PMM2: variants seen among roughly 807,000 people sequenced by gnomAD.
PMM2 encodes the protein phosphomannomutase 2.
In PMM2, 35 loss-of-function variants were observed where a neutral mutation model predicts 33.2. The ratio of observed to expected loss-of-function variants is 1.06; its 90% CI spans 0.81 to 1.40. The LOEUF (loss-of-function observed/expected upper bound fraction) is 1.40, where lower values mean the gene tolerates loss of function less well. Ranked by LOEUF, PMM2 falls within the 40% of genes most tolerant of loss-of-function variation. The pLI is 0.00. For missense variants in PMM2, 386 were observed against 306.0 expected, an observed-to-expected ratio of 1.26 and a Z score of -1.95; for synonymous variants, 153 against 114.7, an observed-to-expected ratio of 1.33 and a Z score of -2.13.
intron 2 of PMM2, chr16:8,802,467 A>G (rs1355368743): frequency 8.6e-6 from 3 of 346,878 alleles, no homozygotes; most frequent in Non-Finnish European, 1.7e-5. Flanking sequence ...ATCCGATTAT[A>G]TGTTTTTGAA....
At chr16:8,804,632 G>A (rs2060636055) in intron 2 of PMM2, 135 bp from the exon 3 acceptor site, 2 of 698,774 alleles carry the variant, frequency 2.9e-6, no homozygotes, top group Non-Finnish European at 5.2e-6. Context: ...TCTTCTCTTA[G>A]TCTGTAAGAT....
At chr16:8,834,519 G>A (rs961076303) in intron 7 of PMM2, among the ~76,000 whole-genome samples, 9 of 152,038 alleles carry the variant, frequency 5.9e-5, no homozygotes, top group African/African-American at 7.3e-5. Context: ...TACCTGACTC[G>A]GGGCATGTTG....
At chr16:8,816,864 T>C (rs945885575) in intron 7 of PMM2, among the ~76,000 whole-genome samples, 6 of 152,190 alleles carry the variant, frequency 3.9e-5, no homozygotes, top group African/African-American at 1.4e-4. Flanking sequence ...AAATTAAAAA[T>C]AGAACTGCCA....
At chr16:8,806,904 C>T (rs964912394) in intron 4 of PMM2, 54 of 164,784 alleles carry the variant, frequency 3.3e-4, no homozygotes, top group African/African-American at 1.2e-3. Flanking sequence ...GCCAGATCCA[C>T]GTAAAACCCA....
At chr16:8,815,769 A>G (rs1317711197) in intron 7 of PMM2, among the ~76,000 whole-genome samples, 1 of 152,234 alleles carries the variant, frequency 6.6e-6, no homozygotes, top group African/African-American at 2.4e-5. Context: ...TAGATGTGAC[A>G]CCAAAAGCAC....
intron 2 of PMM2, among the ~76,000 whole-genome samples, chr16:8,802,788 C>G (rs1009453719): frequency 6.6e-6 from 1 of 151,806 alleles, no homozygotes; most frequent in African/African-American, 2.4e-5. Context: ...CGAGATCACA[C>G]CATTGCACTC....
intron 7 of PMM2, chr16:8,832,471 C>T: frequency 6.1e-6 from 6 of 985,418 alleles, no homozygotes; most frequent in African/African-American, 1.7e-5. Flanking sequence ...CCAGCAGGAC[C>T]ACGGGAGGAG....
chr16:8,839,166 C>A (rs1027674097), intron 7 of PMM2, among the ~76,000 whole-genome samples: 2 of 151,768 alleles, frequency 1.3e-5, no homozygotes, highest in African/African-American at 4.8e-5. Flanking sequence ...TTTGTTGTGT[C>A]GGTGTCATGA....
In PMM2 at chr16:8,847,877, C is replaced by T. The variant is rs565165106; in HGVS notation, c.*52C>T. 193 of 1,404,256 alleles carry T rather than the reference C, an allele frequency of 1.4e-4. No homozygotes were observed. Among genetic ancestry groups the T allele is most frequent in the East Asian group, 3.9e-4 (17 of 43,722 alleles). 87.0% of individuals were successfully genotyped at this position (1,404,256 alleles called of 1,614,324 possible). ...GGCTGACAAGCCAGCATAGGGCATT[C>T]GGTGGCCAGAGCCGAGGGTCCTCCC... On this transcript the variant is annotated 3_prime_UTR_variant, in exon 8 of 8. Transcript: ENST00000268261.
intron 7 of PMM2, among the ~76,000 whole-genome samples, chr16:8,830,432 G>A (rs2060803078): frequency 1.3e-5 from 2 of 152,158 alleles, no homozygotes; most frequent in African/African-American, 4.8e-5. Flanking sequence ...AAGAATTTGG[G>A]GATTTGAGTT....
At chr16:8,814,750 C>T (rs1055260757) in intron 7 of PMM2, among the ~76,000 whole-genome samples, 3 of 152,182 alleles carry the variant, frequency 2.0e-5, no homozygotes, top group Non-Finnish European at 2.9e-5. Flanking sequence ...ACATATTTAA[C>T]GCTCACAGTT....
intron 1 of PMM2, among the ~76,000 whole-genome samples, chr16:8,799,556 T>A (rs1484112557): frequency 1.0e-5 from 1 of 99,950 alleles, no homozygotes; most frequent in Non-Finnish European, 2.3e-5. Context: ...TCTGACTCTT[T>A]TTTTTTTTTT....
chr16:8,826,698 A>G (rs961197366), intron 7 of PMM2, among the ~76,000 whole-genome samples: 1 of 152,230 alleles, frequency 6.6e-6, no homozygotes, highest in Non-Finnish European at 1.5e-5. Flanking sequence ...TTTTAAGCCA[A>G]TTAATTACAG....
chr16:8,803,617 T>G (rs1329036388), intron 2 of PMM2, among the ~76,000 whole-genome samples: 1 of 152,238 alleles, frequency 6.6e-6, no homozygotes, highest in East Asian at 1.9e-4. Flanking sequence ...TTCATTAAGG[T>G]TGACAACATG....
chr16:8,834,835 G>C (rs2060833128), intron 7 of PMM2, among the ~76,000 whole-genome samples: 1 of 152,154 alleles, frequency 6.6e-6, no homozygotes, highest in African/African-American at 2.4e-5. Flanking sequence ...ATGGGGAAAT[G>C]GGGTGAATAT....
chr16:8,838,217 G>C (rs1044488723), intron 7 of PMM2, among the ~76,000 whole-genome samples: 36 of 152,064 alleles, frequency 2.4e-4, no homozygotes, highest in Non-Finnish European at 3.7e-4. Context: ...TCTTAAGGGT[G>C]GGGGAGATTA....
chr16:8,832,104 C>T (rs1291293234), intron 7 of PMM2: 7 of 982,410 alleles, frequency 7.1e-6, no homozygotes, highest in Non-Finnish European at 8.5e-6. Flanking sequence ...TTGGGGTCCG[C>T]TTCACTTGCT....
rs2060944374 is a variant in PMM2 at position 8,848,545 on chromosome 16, C to CT, written c.*721dup. The CT allele has an allele frequency of 6.6e-6, 1 of 152,564 alleles. No individual in the cohort carries two copies. Among genetic ancestry groups the CT allele is most frequent in the South Asian group, 2.1e-4 (1 of 4,842 alleles). 9.5% of individuals were successfully genotyped at this position (152,564 alleles called of 1,614,324 possible). ...CACTCAGAATAGCCTGGCTGCTTCT[C>CT]TGTCTCCGAGACCGGAGGTAGTGGG... On this transcript the variant is annotated 3_prime_UTR_variant, in exon 8 of 8. Transcript: ENST00000268261.
intron 7 of PMM2, among the ~76,000 whole-genome samples, chr16:8,845,520 T>G (rs1249287265): frequency 6.6e-6 from 1 of 152,160 alleles, no homozygotes; most frequent in African/African-American, 2.4e-5. Flanking sequence ...CCTCAGTCAC[T>G]GAGGCGGGGA....
Sources: allele counts gnomAD v4.1 joint callset (sites outside exome capture counted in the v4.1 genomes callset), GRCh38; gene constraint gnomAD v4.1.1; transcripts MANE v1.5; gene names NCBI Gene and HGNC (gene_info 2026-07-23, HGNC 2026-07-21).